LRP1B: variants seen among roughly 807,000 people sequenced by gnomAD.
The protein encoded by LRP1B is LDL receptor related protein 1B.
Under a neutral mutation model 556.6 loss-of-function variants are expected in LRP1B, and 217 were observed. The ratio of observed to expected loss-of-function variants is 0.39; its 90% CI spans 0.35 to 0.44. The LOEUF (loss-of-function observed/expected upper bound fraction) is 0.44. LRP1B is among the 20% of genes least tolerant of loss of function. LRP1B has a pLI of 1.00. For missense variants in LRP1B, 5,053 were observed against 5,620.8 expected (o/e 0.90, Z 3.23); for synonymous variants, 2,047 against 1,865.8 (o/e 1.10, Z -2.50).
intron 35 of LRP1B, among the ~76,000 whole-genome samples, chr2:140,733,946 CTT>C (rs1479294504): frequency 6.6e-6 from 1 of 152,188 alleles, no homozygotes; most frequent in African/African-American, 2.4e-5. Flanking sequence ...CTGGCATCAT[CTT>C]AAAATATAGA....
At chr2:140,497,411 A>G (rs1164534644) in intron 55 of LRP1B, among the ~76,000 whole-genome samples, 1 of 151,978 alleles carries the variant, frequency 6.6e-6, no homozygotes, top group Admixed American at 6.6e-5. Context: ...AACTATGGCC[A>G]AAGAAAATGG....
intron 7 of LRP1B, among the ~76,000 whole-genome samples, chr2:141,122,277 T>G (rs1038137560): frequency 5.3e-5 from 8 of 152,058 alleles, no homozygotes; most frequent in African/African-American, 1.4e-4. Context: ...AAAGAGCTTC[T>G]GCACAGCAAA....
intron 35 of LRP1B, among the ~76,000 whole-genome samples, chr2:140,762,261 A>G: frequency 6.6e-6 from 1 of 152,170 alleles, no homozygotes; most frequent in East Asian, 1.9e-4. Flanking sequence ...GCAAAAACCC[A>G]AAAGAATCCT....
intron 2 of LRP1B, among the ~76,000 whole-genome samples, chr2:141,531,323 A>T (rs1684864114): frequency 6.6e-6 from 1 of 152,050 alleles, no homozygotes; most frequent in Non-Finnish European, 1.5e-5. Context: ...TAACCTCCAA[A>T]CCTGAAAGCC....
At chr2:140,368,085 T>C (rs1449296649) in intron 71 of LRP1B, among the ~76,000 whole-genome samples, 1 of 151,768 alleles carries the variant, frequency 6.6e-6, no homozygotes, top group African/African-American at 2.4e-5. Context: ...AAAAAATGCA[T>C]CATGGGGCTA....
rs188387923 is a variant in LRP1B, at chr2:141,142,327, C to T, written c.1013+46094G>A. ...AGCAGTTCAATTTCTAACTTGTTTG[C>T]AAACATCGGCTTCAGTTTTAGTTCT... On this transcript the variant is annotated intron_variant, in intron 7 of 90. Transcript: ENST00000389484. 4.7e-3 allele frequency among the ~76,000 whole-genome samples: 719 copies of T among 152,276 alleles called. 3 individuals carry two copies. The highest frequency in any genetic ancestry group is 7.7e-3 in the Non-Finnish European group (525 of 68,028).
At chr2:141,890,381 TACATATATAGTGTATATATATATATATAC>T (rs1699253719) in intron 1 of LRP1B, among the ~76,000 whole-genome samples, 1 of 52,770 alleles carries the variant, frequency 1.9e-5, no homozygotes, top group African/African-American at 5.5e-5. Flanking sequence ...ATAGTGTGTA[TACATATATAGTGTATATATATATATATAC>T]TGAATTGAAA....
chr2:140,989,046 G>C (rs1697012334), intron 17 of LRP1B, among the ~76,000 whole-genome samples: 1 of 151,984 alleles, frequency 6.6e-6, no homozygotes, highest in South Asian at 2.1e-4. Context: ...AATATAAATA[G>C]GCTAGTGGTC....
At position 140,586,971 on chromosome 2, in the gene LRP1B, C is replaced by T. The variant is rs372833789; in HGVS notation, c.7194+11660G>A. On this transcript the variant is annotated intron_variant, in intron 43 of 90. Transcript: ENST00000389484. ...AATAAAATTTTTTTAAAAATAAAGG[C>T]TTTAGGAAAGAAATGGAAAATCTCA... is the stretch of plus-strand genomic sequence containing the variant. 5.3e-5 allele frequency among the ~76,000 whole-genome samples: 8 copies of T among 151,412 alleles called. No individual in the cohort carries two copies. The South Asian group carries it at 1.3e-3, about 24-fold the overall frequency.
chr2:140,763,388 G>C (rs1688996959), intron 35 of LRP1B, among the ~76,000 whole-genome samples: 1 of 151,984 alleles, frequency 6.6e-6, no homozygotes, highest in South Asian at 2.1e-4. Flanking sequence ...AAGTAACTCA[G>C]GCAGGGAAAA....
intron 3 of LRP1B, among the ~76,000 whole-genome samples, chr2:141,339,847 T>C (rs1394543210): frequency 1.3e-5 from 2 of 152,106 alleles, no homozygotes; most frequent in Non-Finnish European, 2.9e-5. Flanking sequence ...TATTGTGTGG[T>C]GGTAAAGGCT....
chr2:141,016,465 T>C (rs1697904133), intron 12 of LRP1B, among the ~76,000 whole-genome samples: 1 of 152,060 alleles, frequency 6.6e-6, no homozygotes, highest in Non-Finnish European at 1.5e-5. Flanking sequence ...TAGGTCTAAT[T>C]TGTCTTCCTG....
intron 3 of LRP1B, among the ~76,000 whole-genome samples, chr2:141,425,978 G>T (rs1553513476): frequency 6.6e-6 from 1 of 150,538 alleles, no homozygotes; most frequent in Non-Finnish European, 1.5e-5. Context: ...TGGTGTTTTA[G>T]ACATGAAGTC....
Position 141,175,799 on chromosome 2 carries a change from AG to A in LRP1B, c.1013+12621del, listed in dbSNP as rs983998513. Reference sequence around the variant, plus strand: ...ACAGCTTGCACCATGCACCTGGAAAAGGCATAGGCATTCAACAACAACCCAT... The same window carrying A: ...ACAGCTTGCACCATGCACCTGGAAAAGCATAGGCATTCAACAACAACCCAT... On this transcript the variant is annotated intron_variant, in intron 7 of 90. Coordinates refer to ENST00000389484, the MANE Select transcript of LRP1B (RefSeq NM_018557.3). Among the ~76,000 whole-genome samples, 6 of 152,234 alleles carry A rather than the reference AG, an allele frequency of 3.9e-5. No homozygotes were observed. The South Asian group carries it at 1.0e-3, about 26-fold the overall frequency.
chr2:141,104,865 T>A (rs1275452908), intron 7 of LRP1B, among the ~76,000 whole-genome samples: 1 of 152,038 alleles, frequency 6.6e-6, no homozygotes, highest in Non-Finnish European at 1.5e-5. Flanking sequence ...AATATGATTA[T>A]TGAGTCTATG....
At chr2:140,355,956 C>T (rs1014465403) in intron 75 of LRP1B, among the ~76,000 whole-genome samples, 22 of 151,948 alleles carry the variant, frequency 1.4e-4, no homozygotes, top group African/African-American at 4.8e-4. Context: ...ATGTGATTTA[C>T]CTATTCCAGT....
chr2:141,392,337 TG>T (rs1342053674), intron 3 of LRP1B, among the ~76,000 whole-genome samples: 1 of 151,782 alleles, frequency 6.6e-6, no homozygotes, highest in Non-Finnish European at 1.5e-5. Context: ...CTATTTTGAA[TG>T]AATTTTAGGC....
intron 1 of LRP1B, among the ~76,000 whole-genome samples, chr2:142,098,705 G>T (rs1706466301): frequency 6.6e-6 from 1 of 151,640 alleles, no homozygotes; most frequent in South Asian, 2.1e-4. Flanking sequence ...GAACAGTAGA[G>T]CCAGAATAAA....
intron 1 of LRP1B, among the ~76,000 whole-genome samples, chr2:142,025,557 A>T (rs1186039227): frequency 2.0e-5 from 3 of 152,188 alleles, no homozygotes; most frequent in Non-Finnish European, 4.4e-5. Context: ...GGAGATATCA[A>T]GTGCTATGTC....
Sources: gnomAD v4.1 joint callset for allele counts (sites outside exome capture counted in the v4.1 genomes callset) on GRCh38, gnomAD v4.1.1 for gene constraint, MANE v1.5 for transcripts, NCBI Gene and HGNC (gene_info 2026-07-23, HGNC 2026-07-21) for gene names.